The following FOCAD variants were observed in gnomAD, a reference collection of about 807,000 sequenced individuals.
FOCAD encodes KIAA1797.
Under a neutral mutation model 225.6 loss-of-function variants are expected in FOCAD, and 198 were observed. The observed-to-expected ratio is 0.88, with a 90% CI of 0.78 to 0.99. FOCAD has a LOEUF of 0.99. Ranked by LOEUF, FOCAD falls within the 50% of genes least tolerant of loss-of-function variation. FOCAD has a pLI of 0.00. For missense variants in FOCAD, 2,713 were observed against 2,123.6 expected (o/e 1.28, Z -5.46); for synonymous variants, 897 against 755.0 (o/e 1.19, Z -3.08).
chr9:20,703,832 T>C (rs969497649), intron 1 of FOCAD, among the ~76,000 whole-genome samples: 5 of 152,198 alleles, frequency 3.3e-5, no homozygotes, highest in Admixed American at 6.5e-5. Flanking sequence ...GTACTTTATA[T>C]TGTTATGCAC....
At chr9:20,968,848 A>C (rs1302580104) in intron 35 of FOCAD, among the ~76,000 whole-genome samples, 1 of 152,176 alleles carries the variant, frequency 6.6e-6, no homozygotes, top group African/African-American at 2.4e-5. Context: ...GCATAAAGTT[A>C]GGGATATTGA....
intron 6 of FOCAD, among the ~76,000 whole-genome samples, chr9:20,763,459 A>T (rs1309348389): frequency 6.6e-6 from 1 of 152,214 alleles, no homozygotes; most frequent in Non-Finnish European, 1.5e-5. Context: ...GTAGCAAGAC[A>T]CTGTCTCTTA....
intron 1 of FOCAD, among the ~76,000 whole-genome samples, chr9:20,699,910 C>T (rs1307244682): frequency 6.7e-6 from 1 of 148,840 alleles, no homozygotes; most frequent in South Asian, 2.1e-4. Flanking sequence ...ATCTGAAAGA[C>T]ATCCTACATA....
rs149478115 is a variant in FOCAD, at chr9:20,808,608, C to T, written c.1456-11188C>T. On this transcript the variant is annotated intron_variant, in intron 11 of 43. Transcript: ENST00000338382. ...AGGTTGAAAAAAGGAGGAACATACA[C>T]GAGGTTCAGTGAGCAGGAGGAGGGA... Among the ~76,000 whole-genome samples the T allele has an allele frequency of 3.3e-5, 5 of 152,218 alleles. No homozygotes were observed. In the East Asian group the frequency reaches 9.7e-4, roughly 29 times the overall value.
chr9:20,705,012 T>C (rs1824265200), intron 1 of FOCAD, among the ~76,000 whole-genome samples: 1 of 152,222 alleles, frequency 6.6e-6, no homozygotes, highest in South Asian at 2.1e-4. Flanking sequence ...GAATTCCAGT[T>C]CTGTCACTTA....
intron 7 of FOCAD, among the ~76,000 whole-genome samples, chr9:20,766,159 T>C (rs1359976828): frequency 1.3e-5 from 2 of 152,202 alleles, no homozygotes; most frequent in Non-Finnish European, 2.9e-5. Flanking sequence ...TTTGTCTTCA[T>C]CTTATGAACC....
intron 15 of FOCAD, among the ~76,000 whole-genome samples, chr9:20,852,451 C>A (rs1827753077): frequency 6.6e-6 from 1 of 151,108 alleles, no homozygotes; most frequent in Non-Finnish European, 1.5e-5. Flanking sequence ...TCTGTTATCC[C>A]CAGATCTGTG....
At chr9:20,988,732 TGACA>T (rs1766864333) in intron 41 of FOCAD, among the ~76,000 whole-genome samples, 2 of 152,058 alleles carry the variant, frequency 1.3e-5, no homozygotes, top group Admixed American at 6.5e-5. Flanking sequence ...ATATGTTTCT[TGACA>T]GACAGAACAC....
chr9:20,900,929 G>A (rs983346987), intron 21 of FOCAD, among the ~76,000 whole-genome samples: 13 of 151,568 alleles, frequency 8.6e-5, no homozygotes, highest in African/African-American at 3.1e-4. Context: ...AGGAGAAAAG[G>A]TTGGGGAGAG....
intron 15 of FOCAD, among the ~76,000 whole-genome samples, chr9:20,842,862 T>C (rs1233087212): frequency 2.0e-5 from 3 of 152,020 alleles, no homozygotes; most frequent in Admixed American, 6.6e-5. Context: ...AAATTTTTAC[T>C]TTTTATTTTT....
intron 8 of FOCAD, 101 bp from the exon 9 acceptor site, chr9:20,778,580 G>T (rs1362495572): frequency 1.6e-6 from 1 of 638,278 alleles, no homozygotes; most frequent in Non-Finnish European, 2.8e-6. Flanking sequence ...TAATAGGCTT[G>T]CAGTCTTTCA....
At chr9:20,695,629 C>T (rs576599739) in intron 1 of FOCAD, among the ~76,000 whole-genome samples, 102 of 152,240 alleles carry the variant, frequency 6.7e-4, no homozygotes, top group South Asian at 2.1e-3. Context: ...CAAAGGAAGG[C>T]GAGGTAGGGA....
rs145030053 is a variant in FOCAD, at chr9:20,823,069, C to A, written c.1874C>A (p.Pro625Gln). The stretch of plus-strand genomic sequence containing the variant: ...TGCACCAAGCCTGATCAAGCTACTC[C>A]AGCAGCCTTGGTATTACAGGGTCTT... ...NECTKPDQAT[P>Q]AALVLQGLHA... Residue 625 changes from proline (P) to glutamine (Q), a missense_variant, in exon 15 of 44, where the codon CCA (proline) becomes CAA (glutamine). Pro to Gln is a moderately conservative substitution (Grantham distance 76). Transcript: ENST00000338382. 3.1e-6 allele frequency: 5 copies of A among 1,609,120 alleles called. No homozygotes were observed. The highest frequency in any genetic ancestry group is 1.3e-5 in the African/African-American group (1 of 74,568).
intron 15 of FOCAD, among the ~76,000 whole-genome samples, chr9:20,847,240 C>G (rs947891998): frequency 2.7e-5 from 3 of 109,634 alleles, no homozygotes; most frequent in East Asian, 5.2e-4. Context: ...TCTCTCTTTA[C>G]CCGAGCCCTA....
Position 20,944,660 on chromosome 9 carries a change from G to T in FOCAD, c.3441G>T (p.Leu1147=). The change falls in exon 29 of 44, where the codon CTG becomes CTT. Residue 1147 remains leucine, a synonymous_variant. Coordinates refer to ENST00000338382, the MANE Select transcript of FOCAD (RefSeq NM_001375567.1). The part of the protein sequence containing the change: ...TGCILGVGLV[L]SLMSHSSQMQ... ...GTATATTGGGAGTTGGACTTGTTCT[G>T]TCCCTCATGAGCCACAGCAGCCAAA... 6.2e-7 allele frequency: 1 copy of T among 1,613,950 alleles called. No individual in the cohort carries two copies. The highest frequency in any genetic ancestry group is 8.5e-7 in the Non-Finnish European group (1 of 1,179,884).
intron 37 of FOCAD, among the ~76,000 whole-genome samples, chr9:20,979,459 C>T (rs1324505769): frequency 1.3e-5 from 2 of 152,194 alleles, no homozygotes; most frequent in African/African-American, 4.8e-5. Flanking sequence ...ATGCCTCAGC[C>T]TCTCAAGTAG....
At chr9:20,874,842 T>C (rs1830100965) in intron 19 of FOCAD, 35 bp downstream of exon 19, 1 of 1,612,584 alleles carries the variant, frequency 6.2e-7, no homozygotes, top group Non-Finnish European at 8.5e-7. Context: ...AGCTAGCATT[T>C]TTTAGTGGTT....
chr9:20,675,724 G>T (rs1822212585), intron 2 of FOCAD, among the ~76,000 whole-genome samples: 1 of 152,130 alleles, frequency 6.6e-6, no homozygotes, highest in African/African-American at 2.4e-5. Flanking sequence ...TTTTTCCCAA[G>T]AAAATAAACT....
At chr9:20,697,189 C>CT (rs1823446288) in intron 1 of FOCAD, among the ~76,000 whole-genome samples, 1 of 152,234 alleles carries the variant, frequency 6.6e-6, no homozygotes, top group Admixed American at 6.5e-5. Flanking sequence ...ACTATCTCTA[C>CT]TGCTGTTATC....
Sources: gnomAD v4.1 joint callset for allele counts (sites outside exome capture counted in the v4.1 genomes callset) on GRCh38, gnomAD v4.1.1 for gene constraint, MANE v1.5 for transcripts, NCBI Gene and HGNC (gene_info 2026-07-23, HGNC 2026-07-21) for gene names.